The following KAT2B variants were observed in gnomAD, a reference collection of about 807,000 sequenced individuals.
KAT2B encodes the protein histone acetyltransferase KAT2B.
In KAT2B, 36 loss-of-function variants were observed where a neutral mutation model predicts 105.9. The observed-to-expected ratio is 0.34, with a 90% CI of 0.26 to 0.45. The LOEUF (loss-of-function observed/expected upper bound fraction) is 0.45, where lower values mean the gene tolerates loss of function less well. KAT2B is among the 20% of genes least tolerant of loss of function. The pLI is 1.00. For synonymous variants in KAT2B, 397 were observed against 377.9 expected, an observed-to-expected ratio of 1.05 and a Z score of -0.59; for missense variants, 820 against 1,021.6, an observed-to-expected ratio of 0.80 and a Z score of 2.69.
rs533290474 is a variant in KAT2B, at chr3:20,076,977, A to G, written c.430+4518A>G. On this transcript the variant is annotated intron_variant, in intron 2 of 17. Transcript: ENST00000263754. ...TATTGATTGAGATAGTATCAATTCT[A>G]TTGATTAAATGTTGGGTTTCTTTTG... Among the ~76,000 whole-genome samples, 259 of 152,298 alleles carry G rather than the reference A, an allele frequency of 1.7e-3. 1 individual carries two copies. Among genetic ancestry groups the G allele is most frequent in the African/African-American group, 5.9e-3 (247 of 41,578 alleles).
Position 20,122,683 on chromosome 3 carries a change from T to C in KAT2B, c.1292T>C (p.Met431Thr), listed in dbSNP as rs144806388. 1.1e-4 allele frequency: 178 copies of C among 1,613,526 alleles called. No homozygotes were observed. Among genetic ancestry groups the C allele is most frequent in the Non-Finnish European group, 1.4e-4 (168 of 1,179,746 alleles). ...LEANPGEKRK[M>T]TDSHVLEEAK... is the part of the protein sequence containing the mutation. ...ATCATCATAGGAGAAAAGAGGAAAA[T>C]GACTGATTCTCATGTTCTGGAGGAG... The change falls in exon 9 of 18, where the codon ATG (methionine) becomes ACG (threonine). Residue 431 changes from methionine (M) to threonine (T), a missense_variant. Physicochemically the swap from Met to Thr is moderately conservative, Grantham distance 81. Transcript: ENST00000263754.
intron 8 of KAT2B, among the ~76,000 whole-genome samples, chr3:20,121,413 G>A (rs1320525946): frequency 6.6e-6 from 1 of 152,002 alleles, no homozygotes; most frequent in Non-Finnish European, 1.5e-5. Flanking sequence ...GGAAAAAACT[G>A]GAAAAACCAA....
chr3:20,100,947 A>G, intron 4 of KAT2B: 1 of 266,808 alleles, frequency 3.7e-6, no homozygotes, highest in Non-Finnish European at 7.1e-6. Flanking sequence ...TGCTGATAGT[A>G]AAGCAATAAT....
chr3:20,097,096 A>T (rs981922660), intron 3 of KAT2B, among the ~76,000 whole-genome samples: 1 of 152,130 alleles, frequency 6.6e-6, no homozygotes, highest in African/African-American at 2.4e-5. Flanking sequence ...TGAGTCATTC[A>T]GCTCGAACCC....
At chr3:20,103,792 A>T (rs1480536811) in intron 5 of KAT2B, among the ~76,000 whole-genome samples, 1 of 152,222 alleles carries the variant, frequency 6.6e-6, no homozygotes, top group Non-Finnish European at 1.5e-5. Flanking sequence ...AATACTTAAG[A>T]AGTAGTAAAA....
At chr3:20,065,837 T>C (rs944731729) in intron 1 of KAT2B, among the ~76,000 whole-genome samples, 1 of 152,166 alleles carries the variant, frequency 6.6e-6, no homozygotes, top group African/African-American at 2.4e-5. Context: ...GGGTCCATAG[T>C]GAAGACCTGG....
intron 11 of KAT2B, among the ~76,000 whole-genome samples, chr3:20,131,611 A>G (rs557358600): frequency 6.6e-6 from 1 of 152,298 alleles, no homozygotes; most frequent in East Asian, 1.9e-4. Flanking sequence ...TCTGTTGCCC[A>G]GGCTGGAGTG....
At chr3:20,079,619 G>C (rs1698484707) in intron 2 of KAT2B, among the ~76,000 whole-genome samples, 2 of 152,206 alleles carry the variant, frequency 1.3e-5, no homozygotes, top group South Asian at 4.1e-4. Flanking sequence ...GATATTTCAA[G>C]TATTTAAATC....
At chr3:20,107,429 G>A (rs1699040585) in intron 5 of KAT2B, among the ~76,000 whole-genome samples, 3 of 151,608 alleles carry the variant, frequency 2.0e-5, no homozygotes, top group Non-Finnish European at 2.9e-5. Context: ...AGGCCAAGGC[G>A]GATGGATCAC....
At chr3:20,110,251 T>TA (rs150578715) in intron 5 of KAT2B, among the ~76,000 whole-genome samples, 6,562 of 152,210 alleles carry the variant, frequency 0.043, 193 homozygotes, top group South Asian at 0.077. Flanking sequence ...TCTGAAGGAA[T>TA]AAGAATCTGT....
At chr3:20,109,248 A>G (rs2125164186) in intron 5 of KAT2B, among the ~76,000 whole-genome samples, 1 of 152,198 alleles carries the variant, frequency 6.6e-6, no homozygotes. Context: ...CTATGGTTTC[A>G]TTACTAGTTA....
chr3:20,071,173 C>T (rs1013265045), intron 1 of KAT2B, among the ~76,000 whole-genome samples: 1 of 151,948 alleles, frequency 6.6e-6, no homozygotes, highest in Non-Finnish European at 1.5e-5. Context: ...TTATATTTTG[C>T]GCTAGTCTTC....
At chr3:20,099,753 G>C (rs1698875507) in intron 3 of KAT2B, 109 bp from the exon 4 acceptor site, 2 of 612,346 alleles carry the variant, frequency 3.3e-6, no homozygotes, top group Admixed American at 2.8e-5. Context: ...CTGTGTGTGT[G>C]TGTGTAAGAG....
At chr3:20,111,372 G>A (rs1664141780) in intron 5 of KAT2B, among the ~76,000 whole-genome samples, 1 of 152,202 alleles carries the variant, frequency 6.6e-6, no homozygotes. Context: ...ACTGTATGAT[G>A]CTGCAGAATA....
At chr3:20,102,244 A>G (rs1698923504) in intron 5 of KAT2B, among the ~76,000 whole-genome samples, 1 of 152,134 alleles carries the variant, frequency 6.6e-6, no homozygotes, top group Non-Finnish European at 1.5e-5. Flanking sequence ...TGAACCCTGG[A>G]GGCAGAGTTT....
chr3:20,071,050 A>G (rs1042857543), intron 1 of KAT2B, among the ~76,000 whole-genome samples: 11 of 152,180 alleles, frequency 7.2e-5, no homozygotes, highest in African/African-American at 2.4e-4. Context: ...CTGTATTACA[A>G]AAGTAAAAAT....
chr3:20,041,245 A>G (rs1413072246), intron 1 of KAT2B, among the ~76,000 whole-genome samples: 1 of 151,782 alleles, frequency 6.6e-6, no homozygotes, highest in Non-Finnish European at 1.5e-5. Context: ...GGGGGTGGAG[A>G]AGACTCCCGG....
chr3:20,072,448 G>C lies in KAT2B; in HGVS notation c.419G>C (p.Ser140Thr). The stretch of plus-strand genomic sequence containing the variant: ...CTAACAGAATCCTGTCGGAGTTGTA[G>C]CCATGCCCTAGGTGAGTTCCTAAAT... ...VSLTESCRSC[S>T]HALAAHVSHL... is the part of the protein sequence containing the mutation. The change falls in exon 2 of 18, where the codon AGC (serine) becomes ACC (threonine). Residue 140 changes from serine to threonine, a missense_variant. Physicochemically the swap from Ser to Thr is moderately conservative, Grantham distance 58. Around this residue, in one of 6 missense-constraint regions of KAT2B, gnomAD observed 173 missense variants for 249.5 expected, o/e 0.69. Transcript: ENST00000263754. 1 of 1,613,810 alleles carries C rather than the reference G, an allele frequency of 6.2e-7. No individual in the cohort carries two copies. Among genetic ancestry groups the C allele is most frequent in the Non-Finnish European group, 8.5e-7 (1 of 1,179,696 alleles).
intron 1 of KAT2B, among the ~76,000 whole-genome samples, chr3:20,041,163 G>A (rs912498108): frequency 2.0e-5 from 3 of 152,036 alleles, no homozygotes; most frequent in Non-Finnish European, 4.4e-5. Flanking sequence ...AAAATCTTTT[G>A]GGGGACTGAG....
Sources: gnomAD v4.1 joint callset for allele counts (sites outside exome capture counted in the v4.1 genomes callset) on GRCh38, gnomAD v4.1.1 for gene constraint, gnomAD v4.1.1 regional missense constraint, MANE v1.5 for transcripts, NCBI Gene and HGNC (gene_info 2026-07-23, HGNC 2026-07-21) for gene names.